PALD1: variants seen among roughly 807,000 people sequenced by gnomAD.
The protein encoded by PALD1 is phosphatase domain containing paladin 1.
PALD1 carries 57 observed loss-of-function variants against 96.0 expected under a neutral mutation model. That is an observed-to-expected ratio of 0.59 (90% CI 0.48 to 0.74). The LOEUF is 0.74. Ranked by LOEUF, PALD1 falls within the 30% of genes least tolerant of loss-of-function variation. PALD1 has a pLI of 0.00. For synonymous variants in PALD1, 464 were observed against 473.6 expected (o/e 0.98, Z 0.26); for missense variants, 1,063 against 1,143.7 (o/e 0.93, Z 1.02).
chr10:70,460,134 G>A, the PALD1 span, among the ~76,000 whole-genome samples: 9 of 152,070 alleles, frequency 5.9e-5, no homozygotes, highest in Non-Finnish European at 1.2e-4. Flanking sequence ...CTTCCCTTCC[G>A]CCGTCTGGGC....
At chr10:70,472,505 C>T in the PALD1 span, among the ~76,000 whole-genome samples, 1 of 152,148 alleles carries the variant, frequency 6.6e-6, no homozygotes, top group Non-Finnish European at 1.5e-5. Flanking sequence ...AGGTGATCTG[C>T]CCGCCTCAGC....
chr10:70,539,228 T>C lies in PALD1; in HGVS notation c.1706T>C (p.Val569Ala), dbSNP rs780922872. Residue 569 changes from valine (V) to alanine (A), a missense_variant, in exon 14 of 20, where the codon GTG becomes GCG. Transcript: ENST00000263563. The surrounding 1 kb of genome is among the most constrained non-coding windows in gnomAD (Gnocchi z 4.5). ...AGCCTGCGGTGGCCTGGGCCCCCTGTGGCTCCTGACCAGCTGGAGGTGAGG... is the reference window on the plus strand; with the variant it reads ...AGCCTGCGGTGGCCTGGGCCCCCTGCGGCTCCTGACCAGCTGGAGGTGAGG... ...TYSLRWPGPPVAPDQLETLEA... is the reference protein window; with the variant it reads ...TYSLRWPGPPAAPDQLETLEA... The C allele has an allele frequency of 6.2e-7, 1 of 1,611,084 alleles. No individual in the cohort carries two copies. Among genetic ancestry groups the C allele is most frequent in the South Asian group, 1.1e-5 (1 of 90,520 alleles).
intron 1 of PALD1, among the ~76,000 whole-genome samples, chr10:70,499,139 G>A (rs990572405): frequency 1.3e-5 from 2 of 152,160 alleles, no homozygotes; most frequent in Non-Finnish European, 2.9e-5. Context: ...GAGAAGTTCG[G>A]TAACTTAGCC....
chr10:70,468,180 C>T, the PALD1 span, among the ~76,000 whole-genome samples: 1 of 152,058 alleles, frequency 6.6e-6, no homozygotes, highest in Non-Finnish European at 1.5e-5. Context: ...GGAGCCTGGC[C>T]CCTGGGCTTC....
intron 1 of PALD1, among the ~76,000 whole-genome samples, chr10:70,506,557 T>G (rs10740353): frequency 0.85 from 129,341 of 152,134 alleles, 56,078 homozygotes; most frequent in East Asian, 0.96. Flanking sequence ...TTCCCCCAAC[T>G]AACCTGAGTG....
intron 1 of PALD1, among the ~76,000 whole-genome samples, chr10:70,481,674 C>T (rs1451467455): frequency 6.6e-6 from 1 of 152,178 alleles, no homozygotes; most frequent in Non-Finnish European, 1.5e-5. Flanking sequence ...CCCAAGCCTG[C>T]GGGTCTTTGA....
At chr10:70,536,713 G>A (rs921168106) in intron 10 of PALD1, among the ~76,000 whole-genome samples, 4 of 152,228 alleles carry the variant, frequency 2.6e-5, no homozygotes, top group African/African-American at 9.6e-5. Context: ...AGTATTTACC[G>A]TCTGGCCCTT....
At chr10:70,550,620 C>T (rs1197978308) in intron 18 of PALD1, among the ~76,000 whole-genome samples, 5 of 152,184 alleles carry the variant, frequency 3.3e-5, no homozygotes, top group Non-Finnish European at 7.3e-5. Context: ...ACCTCACACC[C>T]GCTAGCAATC....
Position 70,540,953 on chromosome 10 carries a change from G to T in PALD1, c.1909-149G>T. On this transcript the variant is annotated intron_variant, in intron 15 of 19. Coordinates refer to ENST00000263563, the MANE Select transcript of PALD1 (RefSeq NM_014431.3). The surrounding 1 kb of genome is among the most constrained non-coding windows in gnomAD (Gnocchi z 4.2). ...ACACGCACATGGTCTCATGCACCCCGGTGAGTTTTGTTTGTGTGTGCAAGC... is the reference window on the plus strand; with the variant it reads ...ACACGCACATGGTCTCATGCACCCCTGTGAGTTTTGTTTGTGTGTGCAAGC... 1.3e-6 allele frequency: 1 copy of T among 780,788 alleles called. No individual in the cohort carries two copies. The highest frequency in any genetic ancestry group is 2.1e-6 in the Non-Finnish European group (1 of 486,512). The allele number at this position is 780,788 out of a possible 1,614,324, so 48.4% of individuals were successfully genotyped here.
intron 1 of PALD1, among the ~76,000 whole-genome samples, chr10:70,486,586 C>T (rs975166939): frequency 2.0e-5 from 3 of 152,038 alleles, no homozygotes; most frequent in African/African-American, 7.2e-5. Context: ...CATGGTGAAA[C>T]CCCATCTCTA....
intron 1 of PALD1, among the ~76,000 whole-genome samples, chr10:70,489,100 G>T (rs76887155): frequency 6.6e-6 from 1 of 152,120 alleles, no homozygotes; most frequent in Non-Finnish European, 1.5e-5. Flanking sequence ...AGGGACCCTT[G>T]GGGAGTTGCC....
intron 1 of PALD1, among the ~76,000 whole-genome samples, chr10:70,501,813 C>CTGTGTGTGTGTGTGTGTG (rs71012209): frequency 0.028 from 3,923 of 139,218 alleles, 66 homozygotes; most frequent in Middle Eastern, 0.043. Context: ...CATTTTTACT[C>CTGTGTGTGTGTGTGTGTG]TGTGTGTGTG....
At chr10:70,552,896 C>T (rs1423627626) in intron 18 of PALD1, among the ~76,000 whole-genome samples, 1 of 152,122 alleles carries the variant, frequency 6.6e-6, no homozygotes, top group Non-Finnish European at 1.5e-5. Flanking sequence ...TCTCCTTTTC[C>T]CCCCTGAAAT....
At chr10:70,522,229 C>T (rs1344513952) in intron 1 of PALD1, among the ~76,000 whole-genome samples, 2 of 152,048 alleles carry the variant, frequency 1.3e-5, no homozygotes, top group Admixed American at 1.3e-4. Flanking sequence ...TATTGCAAAT[C>T]CCACTTTGCA....
At chr10:70,551,106 T>G (rs1398589154) in intron 18 of PALD1, among the ~76,000 whole-genome samples, 1 of 152,194 alleles carries the variant, frequency 6.6e-6, no homozygotes, top group Non-Finnish European at 1.5e-5. Flanking sequence ...CCCACGCTCC[T>G]CCCCAGACCA....
intron 1 of PALD1, among the ~76,000 whole-genome samples, chr10:70,497,473 G>A (rs1461280104): frequency 2.0e-5 from 3 of 152,342 alleles, no homozygotes; most frequent in Non-Finnish European, 4.4e-5. Context: ...CTCTCTGGGT[G>A]GTGGTGCCTT....
intron 1 of PALD1, among the ~76,000 whole-genome samples, chr10:70,501,813 C>CAGTGTGTGTGTG (rs1846300580): frequency 7.2e-6 from 1 of 139,178 alleles, no homozygotes; most frequent in East Asian, 2.2e-4. Flanking sequence ...CATTTTTACT[C>CAGTGTGTGTGTG]TGTGTGTGTG....
chr10:70,463,677 A>G, the PALD1 span, among the ~76,000 whole-genome samples: 6 of 152,128 alleles, frequency 3.9e-5, no homozygotes, highest in African/African-American at 1.4e-4. Context: ...GGCAAAAAAA[A>G]CCAGGAAAAC....
At chr10:70,516,118 G>A (rs895350950) in intron 1 of PALD1, among the ~76,000 whole-genome samples, 2 of 152,178 alleles carry the variant, frequency 1.3e-5, no homozygotes, top group African/African-American at 2.4e-5. Flanking sequence ...TCTCACAGGA[G>A]CCACGTGTGG....
Sources: gnomAD v4.1 joint callset for allele counts (sites outside exome capture counted in the v4.1 genomes callset) on GRCh38, gnomAD v4.1.1 for gene constraint, Gnocchi (gnomAD v3.1) non-coding constraint, MANE v1.5 for transcripts, NCBI Gene and HGNC (gene_info 2026-07-23, HGNC 2026-07-21) for gene names.